CACNA1D: variants seen among roughly 807,000 people sequenced by gnomAD.
CACNA1D encodes the protein voltage-dependent L-type calcium channel subunit alpha-1D.
Under a neutral mutation model 257.1 loss-of-function variants are expected in CACNA1D, and 55 were observed. The ratio of observed to expected loss-of-function variants is 0.21; its 90% CI spans 0.17 to 0.27. The LOEUF (loss-of-function observed/expected upper bound fraction) is 0.27, where lower values mean the gene tolerates loss of function less well. Ranked by LOEUF, CACNA1D falls within the 10% of genes least tolerant of loss-of-function variation. The pLI, the probability that CACNA1D is intolerant of heterozygous loss-of-function variation, is 1.00. For synonymous variants in CACNA1D, 980 were observed against 1,014.9 expected (o/e 0.97, Z 0.65); for missense variants, 1,876 against 2,784.0 (o/e 0.67, Z 7.34).
At chr3:53,787,067 A>ACTGAGATACTACACACTC (rs2095457670) in intron 40 of CACNA1D, 115 bp downstream of exon 40, 1 of 1,082,124 alleles carries the variant, frequency 9.2e-7, no homozygotes, top group African/African-American at 1.6e-5. Flanking sequence ...TTTTGTTTAA[A>ACTGAGATACTACACACTC]CTGAGATACT....
At position 53,536,302 on chromosome 3, in the gene CACNA1D, G is replaced by A. The variant is rs114323080; in HGVS notation, c.483+34582G>A. On this transcript the variant is annotated intron_variant, in intron 3 of 47. Coordinates refer to ENST00000350061, the MANE Select transcript of CACNA1D (RefSeq NM_001128840.3). ...TTTTTCTCTTACCCTGGTCATTTTC[G>A]AAGCTGCACTTGGCATGGGTTGAAG... 6.2e-3 allele frequency among the ~76,000 whole-genome samples: 939 copies of A among 152,252 alleles called. 11 individuals are homozygous for A. Among genetic ancestry groups the A allele is most frequent in the African/African-American group, 0.022 (901 of 41,546 alleles).
chr3:53,537,055 A>G (rs2092135468), intron 3 of CACNA1D, among the ~76,000 whole-genome samples: 1 of 152,222 alleles, frequency 6.6e-6, no homozygotes, highest in Non-Finnish European at 1.5e-5. Context: ...TGTTTTTGAT[A>G]ATAAAAGTTA....
At chr3:53,544,378 T>C (rs2092367344) in intron 3 of CACNA1D, among the ~76,000 whole-genome samples, 1 of 151,840 alleles carries the variant, frequency 6.6e-6, no homozygotes, top group Admixed American at 6.6e-5. Flanking sequence ...TGGGCAAGGT[T>C]GGGGGTAGGG....
rs56351621 is a variant in CACNA1D, at chr3:53,753,971, T to C, written c.3786+289T>C. On this transcript the variant is annotated intron_variant, in intron 29 of 47. Coordinates refer to ENST00000350061, the MANE Select transcript of CACNA1D (RefSeq NM_001128840.3). ...GAAAGCCAGTTTTCTGTTTCTAGAATAGTACATATCATGCTGTGTCAGGGA... is the reference window on the plus strand; with the variant it reads ...GAAAGCCAGTTTTCTGTTTCTAGAACAGTACATATCATGCTGTGTCAGGGA... 5.9e-3 allele frequency among the ~76,000 whole-genome samples: 893 copies of C among 152,394 alleles called. 1 individual carries two copies. The highest frequency in any genetic ancestry group is 9.7e-3 in the Non-Finnish European group (657 of 68,040).
chr3:53,583,311 C>G (rs1311100282), intron 3 of CACNA1D, among the ~76,000 whole-genome samples: 1 of 152,060 alleles, frequency 6.6e-6, no homozygotes, highest in Non-Finnish European at 1.5e-5. Flanking sequence ...GTCTTCCTGC[C>G]TGGTCCCTAC....
chr3:53,722,263 A>T, intron 11 of CACNA1D, 51 bp from the exon 12 acceptor site: 1 of 1,601,168 alleles, frequency 6.2e-7, no homozygotes, highest in Non-Finnish European at 8.5e-7. Flanking sequence ...TTTATTGGAT[A>T]CTCAGATGCT....
At chr3:53,718,601 C>CCCCCCCCCAAAA in intron 10 of CACNA1D, 2 of 1,103,186 alleles carry the variant, frequency 1.8e-6, no homozygotes, top group Non-Finnish European at 1.3e-6. Flanking sequence ...CCCCCCGGCC[C>CCCCCCCCCAAAA]AGCATTTCAC....
At chr3:53,517,599 T>C (rs914117736) in intron 3 of CACNA1D, among the ~76,000 whole-genome samples, 4 of 151,910 alleles carry the variant, frequency 2.6e-5, no homozygotes, top group African/African-American at 9.7e-5. Context: ...TTCTTCTGCC[T>C]CAGCCTCCTG....
rs1307330333 is a variant in CACNA1D at position 53,665,754 on chromosome 3, T to C, written c.861T>C (p.Ile287=). The C allele has an allele frequency of 6.2e-7, 1 of 1,609,800 alleles. No individual in the cohort carries two copies. The highest frequency in any genetic ancestry group is 8.5e-7 in the Non-Finnish European group (1 of 1,176,192). ...LVLFVIIIYA[I]IGLELFIGKM... is the part of the protein sequence containing the mutation. Reference sequence around the variant, plus strand: ...TATTTGTAATCATAATCTATGCTATTATAGGATTGGAACTTTTTATTGGAA... The same window carrying C: ...TATTTGTAATCATAATCTATGCTATCATAGGATTGGAACTTTTTATTGGAA... The change falls in exon 6 of 48, where the codon ATT becomes ATC. Residue 287 remains isoleucine, a synonymous_variant. Coordinates refer to ENST00000350061, the MANE Select transcript of CACNA1D (RefSeq NM_001128840.3).
chr3:53,757,699 C>T (rs905572220), intron 29 of CACNA1D, among the ~76,000 whole-genome samples: 6 of 152,244 alleles, frequency 3.9e-5, no homozygotes, highest in Non-Finnish European at 7.3e-5. Flanking sequence ...GCCATTCCCT[C>T]CCTGCTATTT....
At chr3:53,690,710 A>C (rs1202230708) in intron 8 of CACNA1D, among the ~76,000 whole-genome samples, 1 of 152,174 alleles carries the variant, frequency 6.6e-6, no homozygotes, top group Non-Finnish European at 1.5e-5. Flanking sequence ...GGGATATGCC[A>C]GTAGGGGGTT....
At chr3:53,746,361 T>C (rs572292187) in intron 25 of CACNA1D, among the ~76,000 whole-genome samples, 2 of 152,296 alleles carry the variant, frequency 1.3e-5, no homozygotes, top group Non-Finnish European at 2.9e-5. Flanking sequence ...TGGCTCCTAT[T>C]ACCTACATCT....
chr3:53,711,776 A>C (rs1030928163), intron 9 of CACNA1D, among the ~76,000 whole-genome samples: 3 of 152,206 alleles, frequency 2.0e-5, no homozygotes, highest in Admixed American at 6.5e-5. Flanking sequence ...AGAAGGCCTA[A>C]AAGTGAAAAG....
In CACNA1D at chr3:53,776,463, C is replaced by T. The variant is rs888981268; in HGVS notation, c.4363-140C>T. 7 of 993,140 alleles carry T rather than the reference C, an allele frequency of 7.0e-6. No homozygotes were observed. The East Asian group carries it at 1.8e-4, about 26-fold the overall frequency. 61.5% of individuals were successfully genotyped at this position (993,140 alleles called of 1,614,324 possible). On this transcript the variant is annotated intron_variant, in intron 35 of 47. Transcript: ENST00000350061. ...GAATCACACTCTTTTCTTAAACATTCTCCAAATAGAAAGTTTTTACAACTT... is the reference window on the plus strand; with the variant it reads ...GAATCACACTCTTTTCTTAAACATTTTCCAAATAGAAAGTTTTTACAACTT...
intron 9 of CACNA1D, among the ~76,000 whole-genome samples, chr3:53,711,322 T>C (rs2094752681): frequency 6.6e-6 from 1 of 152,228 alleles, no homozygotes; most frequent in Admixed American, 6.5e-5. Context: ...AAAGTGAGAA[T>C]GGGCTCGTGT....
chr3:53,731,740 G>A (rs982554290), intron 17 of CACNA1D, among the ~76,000 whole-genome samples: 1 of 152,226 alleles, frequency 6.6e-6, no homozygotes, highest in Non-Finnish European at 1.5e-5. Context: ...CACATGGTAT[G>A]AGTGAATGTG....
At position 53,804,870 on chromosome 3, in the gene CACNA1D, T is replaced by C. The variant is rs371913257; in HGVS notation, c.5586-113T>C. On this transcript the variant is annotated intron_variant, in intron 44 of 47. Transcript: ENST00000350061. ...TGAGGCCAGCCTTGTTCTCAGCCAA[T>C]CCTACTGTGTCCAAGGGAGGAGGCG... 3.9e-6 allele frequency: 4 copies of C among 1,013,646 alleles called. No homozygotes were observed. In the Admixed American group the frequency reaches 7.0e-5, roughly 18 times the overall value. 62.8% of individuals were successfully genotyped at this position (1,013,646 alleles called of 1,614,324 possible). A position where few individuals can be genotyped will look rare whatever the true frequency, so the allele number is the denominator to read the frequency against.
At chr3:53,689,752 G>A (rs934515724) in intron 8 of CACNA1D, among the ~76,000 whole-genome samples, 1 of 152,104 alleles carries the variant, frequency 6.6e-6, no homozygotes, top group African/African-American at 2.4e-5. Context: ...TCAAATTTCT[G>A]GGCTCAAGCA....
At chr3:53,537,917 A>AT (rs1237453890) in intron 3 of CACNA1D, among the ~76,000 whole-genome samples, 1 of 152,054 alleles carries the variant, frequency 6.6e-6, no homozygotes, top group Non-Finnish European at 1.5e-5. Flanking sequence ...TTTTATTACT[A>AT]TTTTTTAGCT....
Sources: allele counts gnomAD v4.1 joint callset (sites outside exome capture counted in the v4.1 genomes callset), GRCh38; gene constraint gnomAD v4.1.1; transcripts MANE v1.5; gene names NCBI Gene and HGNC (gene_info 2026-07-23, HGNC 2026-07-21).